The following KCNH7 variants were observed in gnomAD, a reference collection of about 807,000 sequenced individuals.
The protein encoded by KCNH7 is voltage-gated inwardly rectifying potassium channel KCNH7.
In KCNH7, 49 loss-of-function variants were observed where a neutral mutation model predicts 120.8. The ratio of observed to expected loss-of-function variants is 0.41; its 90% confidence interval spans 0.32 to 0.51. The LOEUF is 0.51. KCNH7 is among the 20% of genes least tolerant of loss of function. The probability of loss-of-function intolerance (pLI) is 0.38; values close to 1 mark genes in which losing one functional copy is unlikely to be tolerated. For synonymous variants in KCNH7, 547 were observed against 516.1 expected, an observed-to-expected ratio of 1.06 and a Z score of -0.81; for missense variants, 1,097 against 1,446.6, an observed-to-expected ratio of 0.76 and a Z score of 3.92.
intron 2 of KCNH7, among the ~76,000 whole-genome samples, chr2:162,794,266 G>GAGGAAA (rs369838306): frequency 1.3e-5 from 2 of 151,506 alleles, no homozygotes; most frequent in Non-Finnish European, 3.0e-5. Flanking sequence ...AAGGAAGGAA[G>GAGGAAA]AGGAAAAGGA....
chr2:162,729,346 T>G (rs1374125249), intron 2 of KCNH7, among the ~76,000 whole-genome samples: 1 of 152,100 alleles, frequency 6.6e-6, no homozygotes, highest in Non-Finnish European at 1.5e-5. Flanking sequence ...TCTCTGAATA[T>G]ACCCTATTTT....
intron 2 of KCNH7, among the ~76,000 whole-genome samples, chr2:162,817,497 A>T (rs977628268): frequency 6.6e-6 from 1 of 152,092 alleles, no homozygotes; most frequent in Non-Finnish European, 1.5e-5. Context: ...TTCCAGATTT[A>T]GGCTATTATA....
intron 2 of KCNH7, among the ~76,000 whole-genome samples, chr2:162,586,055 A>G (rs1376328584): frequency 6.6e-6 from 1 of 152,086 alleles, no homozygotes; most frequent in Non-Finnish European, 1.5e-5. Context: ...CTATCAGTTC[A>G]TCAAAGTAAT....
intron 2 of KCNH7, among the ~76,000 whole-genome samples, chr2:162,722,817 T>C (rs1326398628): frequency 5.5e-5 from 8 of 144,752 alleles, no homozygotes; most frequent in Non-Finnish European, 1.2e-4. Context: ...TTTTTTCTTT[T>C]TTTTTTTTTT....
intron 2 of KCNH7, among the ~76,000 whole-genome samples, chr2:162,608,596 A>G (rs1196529097): frequency 6.6e-6 from 1 of 152,120 alleles, no homozygotes; most frequent in African/African-American, 2.4e-5. Context: ...ATCTCTTTTC[A>G]TATCCTGACT....
intron 2 of KCNH7, among the ~76,000 whole-genome samples, chr2:162,778,438 A>C (rs763574740): frequency 4.9e-4 from 75 of 152,170 alleles, no homozygotes; most frequent in Non-Finnish European, 4.3e-4. Flanking sequence ...CAAGTAATGC[A>C]ATCTATAAAC....
chr2:162,606,756 T>C (rs1682787045), intron 2 of KCNH7, among the ~76,000 whole-genome samples: 1 of 152,200 alleles, frequency 6.6e-6, no homozygotes, highest in African/African-American at 2.4e-5. Context: ...TGAGAAGAAA[T>C]GTGACAAGAT....
At chr2:162,394,260 A>T (rs1686835172) in intron 12 of KCNH7, 129 bp downstream of exon 12, 1 of 660,010 alleles carries the variant, frequency 1.5e-6, no homozygotes, top group Non-Finnish European at 2.7e-6. Flanking sequence ...TACTGAATAA[A>T]GCAAAGGATC....
chr2:162,588,432 A>G (rs1189156878), intron 2 of KCNH7, among the ~76,000 whole-genome samples: 1 of 152,026 alleles, frequency 6.6e-6, no homozygotes, highest in Non-Finnish European at 1.5e-5. Flanking sequence ...TACTATTACT[A>G]TGGTCTTTTC....
chr2:162,704,736 A>G (rs1360037601), intron 2 of KCNH7, among the ~76,000 whole-genome samples: 1 of 152,220 alleles, frequency 6.6e-6, no homozygotes, highest in Non-Finnish European at 1.5e-5. Flanking sequence ...ATCTGTCTCC[A>G]AAACCATGAC....
At chr2:162,611,338 A>G (rs1048988552) in intron 2 of KCNH7, among the ~76,000 whole-genome samples, 1 of 152,184 alleles carries the variant, frequency 6.6e-6, no homozygotes, top group African/African-American at 2.4e-5. Context: ...TGAACAAGAG[A>G]TCTTATTCCG....
At chr2:162,387,326 G>T (rs1686603424) in intron 12 of KCNH7, among the ~76,000 whole-genome samples, 1 of 150,894 alleles carries the variant, frequency 6.6e-6, no homozygotes, top group Non-Finnish European at 1.5e-5. Flanking sequence ...TTCAGGCTTT[G>T]GCTGGAAAAT....
chr2:162,581,610 A>T (rs76046208), intron 2 of KCNH7, among the ~76,000 whole-genome samples: 6,650 of 139,376 alleles, frequency 0.048, 290 homozygotes, highest in East Asian at 0.12. Context: ...GATTTTTTTT[A>T]AAAGTGTATT....
At position 162,435,081 on chromosome 2, in the gene KCNH7, C is replaced by G. The variant is rs890712204; in HGVS notation, c.1954+117G>C. On this transcript the variant is annotated intron_variant, in intron 8 of 15. Transcript: ENST00000332142. ...GAATACAGTACCCATATATGTAATC[C>G]CATTATCTCCTCAATTTTCTGTAAT... 4 of 934,820 alleles carry G rather than the reference C, an allele frequency of 4.3e-6. No homozygotes were observed. The African/African-American group carries it at 5.1e-5, about 12-fold the overall frequency. The allele number at this position is 934,820 out of a possible 1,614,324, so 57.9% of individuals were successfully genotyped here.
At chr2:162,548,786 T>C (rs1692566260) in intron 2 of KCNH7, among the ~76,000 whole-genome samples, 1 of 152,228 alleles carries the variant, frequency 6.6e-6, no homozygotes, top group Non-Finnish European at 1.5e-5. Flanking sequence ...AAAATGGATA[T>C]GATAGTGTTA....
chr2:162,551,745 C>T (rs768393291), intron 2 of KCNH7, among the ~76,000 whole-genome samples: 2 of 152,042 alleles, frequency 1.3e-5, no homozygotes, highest in African/African-American at 2.4e-5. Flanking sequence ...TTAAAGTACT[C>T]AAGGTATAGT....
intron 8 of KCNH7, among the ~76,000 whole-genome samples, chr2:162,426,950 T>C (rs1157619206): frequency 1.3e-5 from 2 of 152,130 alleles, no homozygotes; most frequent in Non-Finnish European, 2.9e-5. Context: ...GGATTTTATA[T>C]AAGTGGAATT....
At chr2:162,575,884 T>C (rs1253506574) in intron 2 of KCNH7, among the ~76,000 whole-genome samples, 1 of 152,120 alleles carries the variant, frequency 6.6e-6, no homozygotes, top group Non-Finnish European at 1.5e-5. Context: ...CAGTTTGCCA[T>C]GTAGCTGTAA....
chr2:162,473,170 T>G (rs1350106597), intron 6 of KCNH7, among the ~76,000 whole-genome samples: 2 of 151,874 alleles, frequency 1.3e-5, no homozygotes, highest in African/African-American at 2.4e-5. Context: ...CGTATACATA[T>G]GTAACAAACC....
Sources: allele counts gnomAD v4.1 joint callset (sites outside exome capture counted in the v4.1 genomes callset), GRCh38; gene constraint gnomAD v4.1.1; transcripts MANE v1.5; gene names NCBI Gene and HGNC (gene_info 2026-07-23, HGNC 2026-07-21).